The following SFPQ variants were observed in gnomAD, a reference collection of about 807,000 sequenced individuals.
SFPQ encodes splicing factor, proline- and glutamine-rich.
SFPQ carries 11 observed loss-of-function variants against 72.9 expected under a neutral mutation model. The observed-to-expected ratio is 0.15, with a 90% CI of 0.09 to 0.25. The LOEUF (loss-of-function observed/expected upper bound fraction) is 0.25, where lower values mean the gene tolerates loss of function less well. Ranked by LOEUF, SFPQ falls within the 10% of genes least tolerant of loss-of-function variation. The pLI, the probability that SFPQ is intolerant of heterozygous loss-of-function variation, is 1.00. For missense variants in SFPQ, 847 were observed against 993.3 expected (o/e 0.85, Z 1.98); for synonymous variants, 506 against 367.3 (o/e 1.38, Z -4.32).
At chr1:35,191,606 C>T in intron 1 of SFPQ, 77 bp from the exon 2 acceptor site, 1 of 1,153,552 alleles carries the variant, frequency 8.7e-7, no homozygotes, top group Non-Finnish European at 1.2e-6. Flanking sequence ...ATTTGCTTAT[C>T]TGAAACCTAT....
chr1:35,184,728 T>C (rs558983273), intron 9 of SFPQ, 135 bp from the exon 10 acceptor site: 1 of 1,262,506 alleles, frequency 7.9e-7, no homozygotes, highest in East Asian at 2.9e-5. Flanking sequence ...ACCGGGAACA[T>C]AGAAAGGAAA....
chr1:35,180,034 TTGAA>T (rs1187763892), downstream of SFPQ: 13 of 1,054,686 alleles, frequency 1.2e-5, no homozygotes, highest in African/African-American at 1.7e-4. Context: ...AGTTGTTTGC[TTGAA>T]TGGACTACAT....
Position 35,183,119 on chromosome 1 carries a change from AGAT to A in SFPQ, c.*1334_*1336del, listed in dbSNP as rs1639539471. 9.7e-7 allele frequency: 1 copy of A among 1,028,690 alleles called. No homozygotes were observed. The highest frequency in any genetic ancestry group is 1.7e-5 in the African/African-American group (1 of 58,984). The allele number at this position is 1,028,690 out of a possible 1,614,324, so 63.7% of individuals were successfully genotyped here. On this transcript the variant is annotated 3_prime_UTR_variant, in exon 10 of 10. Coordinates refer to ENST00000357214, the MANE Select transcript of SFPQ (RefSeq NM_005066.3). ...CACTAGCTCTTAGAAGAGAACCAAT[AGAT>A]TTTTATAGTCCTATAGATTTTGCCC... is the stretch of plus-strand genomic sequence containing the variant.
At chr1:35,177,941 A>C, downstream of SFPQ, 1 of 922,930 alleles carries the variant, frequency 1.1e-6, no homozygotes, top group Non-Finnish European at 1.4e-6. Context: ...AATTATTTAA[A>C]TCAAACTCAA....
chr1:35,184,330 A>G lies in SFPQ; in HGVS notation c.*126T>C, dbSNP rs1416439158. ...ACCTGCCCAAACAGACCATTTACAAATATTAGGTCAATAAACTGCTAACAT... is the reference window on the plus strand; with the variant it reads ...ACCTGCCCAAACAGACCATTTACAAGTATTAGGTCAATAAACTGCTAACAT... On this transcript the variant is annotated 3_prime_UTR_variant, in exon 10 of 10. Coordinates refer to ENST00000357214, the MANE Select transcript of SFPQ (RefSeq NM_005066.3). 2.7e-6 allele frequency: 4 copies of G among 1,506,412 alleles called. No homozygotes were observed. The highest frequency in any genetic ancestry group is 1.4e-5 in the African/African-American group (1 of 69,528). The allele number at this position is 1,506,412 out of a possible 1,614,324, so 93.3% of individuals were successfully genotyped here.
In SFPQ at chr1:35,192,358, G is replaced by T; in HGVS notation, c.692C>A (p.Pro231His). 7.2e-7 allele frequency: 1 copy of T among 1,389,990 alleles called. No homozygotes were observed. The highest frequency in any genetic ancestry group is 9.2e-7 in the Non-Finnish European group (1 of 1,084,940). The allele number at this position is 1,389,990 out of a possible 1,614,324, so 86.1% of individuals were successfully genotyped here. Residue 231 changes from proline (P) to histidine (H), a missense_variant, in exon 1 of 10, where the codon CCC (proline) becomes CAC (histidine). Pro to His is a moderately conservative substitution (Grantham distance 77, BLOSUM62 -2). Around this residue, in one of 6 missense-constraint regions of SFPQ, gnomAD observed 498 missense variants for 405.1 expected, o/e 1.23. Coordinates refer to ENST00000357214, the MANE Select transcript of SFPQ (RefSeq NM_005066.3). The stretch of plus-strand genomic sequence containing the variant: ...CCCGCCGCCTCGATGCGGCGGCTTG[G>T]GGTGGCCGCCAGGCGTACTTAGGCC... ...GPGLSTPGGH[P>H]KPPHRGGGEP...
At chr1:35,193,145 CG>C (rs1640129358), upstream of SFPQ, 3 of 1,466,910 alleles carry the variant, frequency 2.0e-6, no homozygotes, top group African/African-American at 2.9e-5. Flanking sequence ...ATGACACAGG[CG>C]GCGCGCCGCC....
chr1:35,179,322 T>TTA, downstream of SFPQ: 1 of 1,058,562 alleles, frequency 9.4e-7, no homozygotes, highest in Non-Finnish European at 1.1e-6. Context: ...AGTGAGACTA[T>TTA]TATGCATTCT....
At position 35,188,888 on chromosome 1, in the gene SFPQ, G is replaced by C. The variant is rs1415392279; in HGVS notation, c.1697+115C>G. On this transcript the variant is annotated intron_variant, in intron 6 of 9. Transcript: ENST00000357214. ...AGGCAAGAGAATCGCTTGAACCCAGGAAGCGGAGGTTGTGGTGAGCTGAGA... is the reference window on the plus strand; with the variant it reads ...AGGCAAGAGAATCGCTTGAACCCAGCAAGCGGAGGTTGTGGTGAGCTGAGA... 6.5e-6 allele frequency: 5 copies of C among 769,198 alleles called. No homozygotes were observed. The Admixed American group carries it at 9.1e-5, about 14-fold the overall frequency. The allele number at this position is 769,198 out of a possible 1,614,324, so 47.6% of individuals were successfully genotyped here.
rs747612922 is a variant in SFPQ at position 35,190,919 on chromosome 1, C to T, written c.1094G>A (p.Arg365His). 1 of 1,614,054 alleles carries T rather than the reference C, an allele frequency of 6.2e-7. No individual in the cohort carries two copies. The highest frequency in any genetic ancestry group is 8.5e-7 in the Non-Finnish European group (1 of 1,180,028). The change falls in exon 3 of 10, where the codon CGC becomes CAC. Residue 365 changes from arginine (R) to histidine (H), a missense_variant. Arg to His is a conservative substitution (Grantham distance 29). Around this residue, in one of 6 missense-constraint regions of SFPQ, gnomAD observed 9 missense variants for 50.0 expected, o/e 0.18. Coordinates refer to ENST00000357214, the MANE Select transcript of SFPQ (RefSeq NM_005066.3). ...AAGGGCAGCAGCATGTGTGGCAAAGCGAACTCGAAGCTGTCTACCTCTCAT... is the reference window on the plus strand; with the variant it reads ...AAGGGCAGCAGCATGTGTGGCAAAGTGAACTCGAAGCTGTCTACCTCTCAT... ...TPMRGRQLRVRFATHAAALSV... is the reference protein window; with the variant it reads ...TPMRGRQLRVHFATHAAALSV...
intron 9 of SFPQ, 123 bp downstream of exon 9, chr1:35,186,878 T>C (rs907232225): frequency 5.6e-6 from 5 of 890,310 alleles, no homozygotes; most frequent in South Asian, 3.4e-5. Context: ...ATGTATGAAA[T>C]TGGTAGGGGA....
At chr1:35,179,139 A>T (rs570476705), downstream of SFPQ, 3 of 1,059,706 alleles carry the variant, frequency 2.8e-6, no homozygotes, top group African/African-American at 3.3e-5. Flanking sequence ...ATAAAGGCCC[A>T]GACCAACATC....
Position 35,193,081 on chromosome 1 carries a change from CGAA to C in SFPQ, c.-35_-33del, listed in dbSNP as rs774286268. The C allele has an allele frequency of 9.2e-6, 14 of 1,516,156 alleles. No homozygotes were observed. The highest frequency in any genetic ancestry group is 2.9e-5 in the African/African-American group (2 of 68,852). The allele number at this position is 1,516,156 out of a possible 1,614,324, so 93.9% of individuals were successfully genotyped here. A position where few individuals can be genotyped will look rare whatever the true frequency, so the allele number is the denominator to read the frequency against. On this transcript the variant is annotated 5_prime_UTR_variant, in exon 1 of 10. Coordinates refer to ENST00000357214, the MANE Select transcript of SFPQ (RefSeq NM_005066.3). ...GGTCAAGGGGCGGTCGAGGCAAAAG[CGAA>C]GAAGACGCTCAGGAAACGTGGAGGC...
chr1:35,186,843 A>G (rs1639743727), intron 9 of SFPQ, among the ~76,000 whole-genome samples, 158 bp downstream of exon 9: 1 of 152,182 alleles, frequency 6.6e-6, no homozygotes, highest in Non-Finnish European at 1.5e-5. Flanking sequence ...TATGTTGCCA[A>G]AGTATTCCTC....
chr1:35,178,962 CTGT>C (rs1639359279), downstream of SFPQ: 1 of 1,053,840 alleles, frequency 9.5e-7, no homozygotes, highest in Non-Finnish European at 1.1e-6. Flanking sequence ...TTACCAGCAA[CTGT>C]TGAGATTTCC....
chr1:35,182,775 C>T, downstream of SFPQ: 1 of 985,378 alleles, frequency 1.0e-6, no homozygotes, highest in Non-Finnish European at 1.2e-6. Flanking sequence ...AATTACTTTA[C>T]CTACTGTTAG....
At chr1:35,180,489 C>T (rs1639422471), downstream of SFPQ, 8 of 1,050,894 alleles carry the variant, frequency 7.6e-6, no homozygotes, top group Non-Finnish European at 9.2e-6. Flanking sequence ...AGTCAATGTT[C>T]CACACCACCT....
Position 35,192,205 on chromosome 1 carries a change from C to T in SFPQ, c.828+17G>A, listed in dbSNP as rs1640047079. ...CCATCTTAGGGGAGCCGACGCGTCGCTCCCATAGACACTCACCTCCGAGTC... is the reference window on the plus strand; with the variant it reads ...CCATCTTAGGGGAGCCGACGCGTCGTTCCCATAGACACTCACCTCCGAGTC... On this transcript the variant is annotated intron_variant, in intron 1 of 9. Transcript: ENST00000357214. 7.1e-7 allele frequency: 1 copy of T among 1,402,410 alleles called. No individual in the cohort carries two copies. Among genetic ancestry groups the T allele is most frequent in the Admixed American group, 3.2e-5 (1 of 30,782 alleles). 86.9% of individuals were successfully genotyped at this position (1,402,410 alleles called of 1,614,324 possible).
Position 35,191,395 on chromosome 1 carries a change from T to C in SFPQ, c.963A>G (p.Gly321=), listed in dbSNP as rs1049774951. 10 of 1,613,998 alleles carry C rather than the reference T, an allele frequency of 6.2e-6. No individual in the cohort carries two copies. Among genetic ancestry groups the C allele is most frequent in the Non-Finnish European group, 4.2e-6 (5 of 1,179,950 alleles). ...DEFKRLFAKY[G]EPGEVFINKG... ...TGTTGATAAAAACTTCTCCTGGTTC[T>C]CCATATTTAGCAAATAGTCTTTTGA... Residue 321 remains glycine, a synonymous_variant, in exon 2 of 10, where the codon GGA becomes GGG. Transcript: ENST00000357214.
Sources: gnomAD v4.1 joint callset for allele counts (sites outside exome capture counted in the v4.1 genomes callset) on GRCh38, gnomAD v4.1.1 for gene constraint, gnomAD v4.1.1 regional missense constraint, MANE v1.5 for transcripts, NCBI Gene and HGNC (gene_info 2026-07-23, HGNC 2026-07-21) for gene names.